The following RIN2 variants were observed in gnomAD, a reference collection of about 807,000 sequenced individuals.
RIN2 encodes RAB5 interacting protein 2.
In RIN2, 36 loss-of-function variants were observed where a neutral mutation model predicts 78.0. That is an observed-to-expected ratio of 0.46 (90% CI 0.35 to 0.61). The LOEUF (loss-of-function observed/expected upper bound fraction) is 0.61. RIN2 is among the 20% of genes least tolerant of loss of function. The pLI, the probability that RIN2 is intolerant of heterozygous loss-of-function variation, is 0.00. For synonymous variants in RIN2, 466 were observed against 466.8 expected, an observed-to-expected ratio of 1.00 and a Z score of 0.02; for missense variants, 1,087 against 1,159.7, an observed-to-expected ratio of 0.94 and a Z score of 0.91.
At chr20:19,842,493 C>T (rs979247247) in intron 2 of RIN2, among the ~76,000 whole-genome samples, 5 of 150,448 alleles carry the variant, frequency 3.3e-5, no homozygotes, top group Admixed American at 2.7e-4. Context: ...CCACCTGCCT[C>T]GGCCTCCCAA....
chr20:19,864,868 T>C (rs2037453358), intron 2 of RIN2, among the ~76,000 whole-genome samples: 1 of 152,222 alleles, frequency 6.6e-6, no homozygotes, highest in Admixed American at 6.5e-5. Context: ...TTTGGATGAT[T>C]CTATTTGGGC....
intron 3 of RIN2, among the ~76,000 whole-genome samples, chr20:19,902,325 G>A (rs1175682836): frequency 6.6e-6 from 1 of 152,104 alleles, no homozygotes; most frequent in East Asian, 1.9e-4. Context: ...TGAGACTCAG[G>A]CAGTCTCTCC....
intron 2 of RIN2, among the ~76,000 whole-genome samples, chr20:19,862,811 G>A (rs1479089077): frequency 1.3e-5 from 2 of 152,154 alleles, no homozygotes; most frequent in African/African-American, 2.4e-5. Context: ...CCAGTGCTTG[G>A]GAGCACAGTC....
chr20:19,825,731 A>G (rs2036070590), intron 2 of RIN2, among the ~76,000 whole-genome samples: 1 of 152,200 alleles, frequency 6.6e-6, no homozygotes. Flanking sequence ...AGCTTCAAAC[A>G]AAAGATGCTC....
At chr20:19,889,171 C>T in intron 2 of RIN2, 1 of 985,452 alleles carries the variant, frequency 1.0e-6, no homozygotes, top group Non-Finnish European at 1.2e-6. Context: ...CTGGGATGTA[C>T]AGAACCTCCT....
Position 19,817,309 on chromosome 20 carries a change from G to C in RIN2, c.-37+17562G>C, listed in dbSNP as rs576702072. 6.2e-4 allele frequency among the ~76,000 whole-genome samples: 94 copies of C among 152,308 alleles called. 1 individual carries two copies. Among genetic ancestry groups the C allele is most frequent in the Non-Finnish European group, 7.3e-5 (5 of 68,030 alleles). The stretch of plus-strand genomic sequence containing the variant: ...GGTGCTAGCTGACTCAGTCCCTGGG[G>C]AAGGCTCACCCTTTCCTTCAAAGAT... On this transcript the variant is annotated intron_variant, in intron 2 of 12. Coordinates refer to ENST00000255006, the MANE Select transcript of RIN2 (RefSeq NM_018993.4).
intron 3 of RIN2, among the ~76,000 whole-genome samples, chr20:19,904,247 A>G (rs1433620438): frequency 7.4e-6 from 1 of 135,782 alleles, no homozygotes; most frequent in African/African-American, 2.6e-5. Context: ...AAAAATATAT[A>G]TATATATATA....
rs1462397947 is a variant in RIN2 at position 19,974,939 on chromosome 20, G to C, written c.914G>C (p.Arg305Pro). The C allele has an allele frequency of 7.4e-6, 12 of 1,613,314 alleles. No homozygotes were observed. The highest frequency in any genetic ancestry group is 1.0e-5 in the Non-Finnish European group (12 of 1,179,688). ...AACGCGAATGGCACGGAGCGGACTC[G>C]GTCCCCCCCACCCAGGCCCCCGCCA... ...TPNANGTERT[R>P]SPPPRPPPPA... is the part of the protein sequence containing the mutation. Residue 305 changes from arginine (R) to proline (P), a missense_variant, in exon 9 of 13, where the codon CGG (arginine) becomes CCG (proline). Transcript: ENST00000255006.
At chr20:19,818,643 A>G (rs770115120) in intron 2 of RIN2, among the ~76,000 whole-genome samples, 9 of 151,774 alleles carry the variant, frequency 5.9e-5, no homozygotes, top group Non-Finnish European at 1.2e-4. Flanking sequence ...GAGGCGGGAG[A>G]ATTGCTTGAA....
intron 3 of RIN2, among the ~76,000 whole-genome samples, chr20:19,897,929 G>C: frequency 6.6e-6 from 1 of 152,146 alleles, no homozygotes; most frequent in South Asian, 2.1e-4. Context: ...GCCCCGTCTG[G>C]TCTTGAACTC....
intron 1 of RIN2, among the ~76,000 whole-genome samples, chr20:19,764,943 T>TTTTTTTTTTTTTTA (rs10686760): frequency 2.3e-5 from 3 of 132,608 alleles, no homozygotes; most frequent in African/African-American, 5.7e-5. Flanking sequence ...TTTTTTTTTT[T>TTTTTTTTTTTTTTA]GACAGAGTCT....
rs527667838 is a variant in RIN2, at chr20:19,981,373, G to A, written c.1762+5586G>A. Among the ~76,000 whole-genome samples the A allele has an allele frequency of 3.9e-5, 6 of 152,302 alleles. No homozygotes were observed. In the South Asian group the frequency reaches 1.2e-3, roughly 32 times the overall value. Reference sequence around the variant, plus strand: ...CCCCTGACCCAGGCCATGTATGCCAGGTTTCTGCCCTGTAAAATTAAAGAT... The same window carrying A: ...CCCCTGACCCAGGCCATGTATGCCAAGTTTCTGCCCTGTAAAATTAAAGAT... On this transcript the variant is annotated intron_variant, in intron 9 of 12. Coordinates refer to ENST00000255006, the MANE Select transcript of RIN2 (RefSeq NM_018993.4).
chr20:19,959,688 G>A (rs917472176), intron 5 of RIN2, among the ~76,000 whole-genome samples: 1 of 152,228 alleles, frequency 6.6e-6, no homozygotes, highest in African/African-American at 2.4e-5. Flanking sequence ...TAGGTAGAGA[G>A]TAAGGTGTTT....
intron 2 of RIN2, among the ~76,000 whole-genome samples, chr20:19,881,500 T>C (rs1005577582): frequency 6.6e-6 from 1 of 152,208 alleles, no homozygotes; most frequent in Non-Finnish European, 1.5e-5. Flanking sequence ...ATTTATTATA[T>C]AGGGATGATG....
chr20:19,853,918 C>T (rs904768768), intron 2 of RIN2, among the ~76,000 whole-genome samples: 6 of 152,100 alleles, frequency 3.9e-5, no homozygotes, highest in African/African-American at 1.4e-4. Context: ...CTTTTGTTGC[C>T]ATTGCTTTTG....
chr20:19,876,001 T>G (rs565165309), intron 2 of RIN2, among the ~76,000 whole-genome samples: 6 of 152,276 alleles, frequency 3.9e-5, no homozygotes, highest in South Asian at 2.1e-4. Flanking sequence ...CTCTGAGGCT[T>G]TGAGCCTGGG....
intron 6 of RIN2, among the ~76,000 whole-genome samples, chr20:19,962,107 C>T (rs1480053140): frequency 6.6e-6 from 1 of 150,778 alleles, no homozygotes; most frequent in East Asian, 2.0e-4. Flanking sequence ...TTGAGACCAG[C>T]CTGGGCAACA....
At chr20:19,874,498 G>T (rs2037794799) in intron 2 of RIN2, among the ~76,000 whole-genome samples, 6 of 152,128 alleles carry the variant, frequency 3.9e-5, no homozygotes. Context: ...AACCCAGAAG[G>T]GTGCTCAAGA....
intron 2 of RIN2, among the ~76,000 whole-genome samples, chr20:19,830,287 G>A (rs2036212879): frequency 6.6e-6 from 1 of 151,982 alleles, no homozygotes; most frequent in Non-Finnish European, 1.5e-5. Flanking sequence ...GTTCTCTAAA[G>A]CCAAGCTAGC....
Sources: gnomAD v4.1 joint callset for allele counts (sites outside exome capture counted in the v4.1 genomes callset) on GRCh38, gnomAD v4.1.1 for gene constraint, MANE v1.5 for transcripts, NCBI Gene and HGNC (gene_info 2026-07-23, HGNC 2026-07-21) for gene names.